GLRA3: variants seen among roughly 807,000 people sequenced by gnomAD.
The protein encoded by GLRA3 is glycine receptor alpha 3.
Under a neutral mutation model 60.4 loss-of-function variants are expected in GLRA3, and 44 were observed. The ratio of observed to expected loss-of-function variants is 0.73; its 90% CI spans 0.57 to 0.94. The LOEUF is 0.94. Among genes scored for constraint, GLRA3 ranks in the 40% least tolerant of loss-of-function variants. The pLI, the probability that GLRA3 is intolerant of heterozygous loss-of-function variation, is 0.00. For missense variants in GLRA3, 508 were observed against 564.6 expected (o/e 0.90, Z 1.02); for synonymous variants, 223 against 192.9 (o/e 1.16, Z -1.29).
chr4:174,718,125 T>C (rs1019197980), intron 4 of GLRA3, among the ~76,000 whole-genome samples: 2 of 152,166 alleles, frequency 1.3e-5, no homozygotes, highest in Non-Finnish European at 2.9e-5. Flanking sequence ...CCTGAAAAAA[T>C]CTATTCATCG....
intron 7 of GLRA3, among the ~76,000 whole-genome samples, chr4:174,662,806 T>C (rs891664654): frequency 6.6e-6 from 1 of 151,622 alleles, no homozygotes; most frequent in Non-Finnish European, 1.5e-5. Context: ...CACATTGCAT[T>C]GGAATTGTTA....
intron 4 of GLRA3, among the ~76,000 whole-genome samples, chr4:174,720,736 G>A (rs920242180): frequency 2.6e-5 from 4 of 152,154 alleles, no homozygotes; most frequent in African/African-American, 9.7e-5. Flanking sequence ...TATAAAAGTA[G>A]TGGATTCCCA....
chr4:174,786,394 T>C (rs768559706), intron 2 of GLRA3, among the ~76,000 whole-genome samples: 1 of 152,136 alleles, frequency 6.6e-6, no homozygotes, highest in Non-Finnish European at 1.5e-5. Context: ...TATTTTTGCC[T>C]GAGGTGAGGT....
In GLRA3 at chr4:174,715,475, G is replaced by A; in HGVS notation, c.574+13C>T. On this transcript the variant is annotated intron_variant, in intron 5 of 9. Transcript: ENST00000274093. ...TGTAAAAGTATTTTAAAAAGTAAGT[G>A]GTTCATACTTACAGCTTTCCAGTTG... 1 of 1,254,566 alleles carries A rather than the reference G, an allele frequency of 8.0e-7. No individual in the cohort carries two copies. The highest frequency in any genetic ancestry group is 1.2e-6 in the Non-Finnish European group (1 of 861,446). 77.7% of individuals were successfully genotyped at this position (1,254,566 alleles called of 1,614,324 possible).
chr4:174,745,312 A>C (rs1240183296), intron 3 of GLRA3, among the ~76,000 whole-genome samples: 1 of 152,196 alleles, frequency 6.6e-6, no homozygotes, highest in Admixed American at 6.5e-5. Flanking sequence ...CCAAAGAGAT[A>C]CAATGCAAAA....
intron 5 of GLRA3, among the ~76,000 whole-genome samples, chr4:174,711,282 TTCTC>T (rs998729884): frequency 6.6e-6 from 1 of 151,596 alleles, no homozygotes; most frequent in South Asian, 2.1e-4. Context: ...AGAATAAAAA[TTCTC>T]TCTCTCTATG....
intron 3 of GLRA3, among the ~76,000 whole-genome samples, chr4:174,736,313 A>C (rs1736786796): frequency 6.6e-6 from 1 of 152,178 alleles, no homozygotes. Flanking sequence ...AAAATTTAAA[A>C]AATCGTGATC....
chr4:174,678,619 G>C (rs1734219426), intron 6 of GLRA3, among the ~76,000 whole-genome samples: 1 of 152,134 alleles, frequency 6.6e-6, no homozygotes, highest in Non-Finnish European at 1.5e-5. Context: ...CAGAGCTTAA[G>C]TCTCAACAAA....
intron 5 of GLRA3, among the ~76,000 whole-genome samples, chr4:174,708,513 G>T (rs1735594124): frequency 6.7e-6 from 1 of 149,488 alleles, no homozygotes; most frequent in African/African-American, 2.5e-5. Context: ...TCGAGATTTA[G>T]GCTGTTCTTT....
In GLRA3 at chr4:174,643,467, A is replaced by C. The variant is rs1235062397; in HGVS notation, c.*319T>G. On this transcript the variant is annotated 3_prime_UTR_variant, in exon 10 of 10. Transcript: ENST00000274093. ...ATCAAGGAATTTCAAAGTAGTTTTC[A>C]TGTCTACTATTATGAGATATTATAT... The C allele has an allele frequency of 1.0e-6, 1 of 980,078 alleles. No homozygotes were observed. Among genetic ancestry groups the C allele is most frequent in the Non-Finnish European group, 1.2e-6 (1 of 819,296 alleles). 60.7% of individuals were successfully genotyped at this position (980,078 alleles called of 1,614,324 possible).
intron 7 of GLRA3, among the ~76,000 whole-genome samples, chr4:174,662,445 TG>T (rs960758173): frequency 2.0e-5 from 3 of 152,186 alleles, no homozygotes; most frequent in Non-Finnish European, 4.4e-5. Flanking sequence ...CCTACTTCTT[TG>T]GACCCAATGC....
At chr4:174,774,924 A>T (rs1376445512) in intron 2 of GLRA3, among the ~76,000 whole-genome samples, 1 of 152,246 alleles carries the variant, frequency 6.6e-6, no homozygotes, top group Admixed American at 6.5e-5. Context: ...GCATCAGGTC[A>T]ACAACTTACA....
chr4:174,759,752 C>T (rs1159313800), intron 3 of GLRA3, among the ~76,000 whole-genome samples: 2 of 151,986 alleles, frequency 1.3e-5, no homozygotes, highest in East Asian at 1.9e-4. Context: ...AACTTGAAAC[C>T]GACCCATTAA....
intron 2 of GLRA3, among the ~76,000 whole-genome samples, chr4:174,775,775 G>C (rs914100049): frequency 6.6e-5 from 10 of 152,098 alleles, no homozygotes; most frequent in Admixed American, 1.3e-4. Context: ...ACACCTTGAA[G>C]CTTCTATTTC....
intron 9 of GLRA3, among the ~76,000 whole-genome samples, chr4:174,648,039 G>A (rs768000892): frequency 4.6e-5 from 7 of 152,206 alleles, no homozygotes; most frequent in Non-Finnish European, 8.8e-5. Context: ...TTTGGATGCA[G>A]TAGTGTGAAA....
intron 2 of GLRA3, among the ~76,000 whole-genome samples, chr4:174,785,410 T>C (rs28535051): frequency 0.25 from 38,288 of 151,992 alleles, 5,025 homozygotes; most frequent in Non-Finnish European, 0.3. Flanking sequence ...ACTCCAGAAA[T>C]AAATTCATAA....
At chr4:174,666,764 T>C (rs963019754) in intron 7 of GLRA3, among the ~76,000 whole-genome samples, 1 of 105,182 alleles carries the variant, frequency 9.5e-6, no homozygotes, top group African/African-American at 5.2e-5. Context: ...ATATATTATA[T>C]ATATATATAT....
chr4:174,659,589 TTTTC>T (rs1733356323), intron 7 of GLRA3, among the ~76,000 whole-genome samples: 2 of 152,150 alleles, frequency 1.3e-5, no homozygotes, highest in African/African-American at 4.8e-5. Context: ...GTTAAGATAT[TTTTC>T]TTTCATTGCA....
intron 5 of GLRA3, among the ~76,000 whole-genome samples, chr4:174,709,355 T>C (rs1431018267): frequency 6.6e-6 from 1 of 152,010 alleles, no homozygotes. Flanking sequence ...ATTCTCTGTG[T>C]GGTATGTATG....
Sources: allele counts gnomAD v4.1 joint callset (sites outside exome capture counted in the v4.1 genomes callset), GRCh38; gene constraint gnomAD v4.1.1; transcripts MANE v1.5; gene names NCBI Gene and HGNC (gene_info 2026-07-23, HGNC 2026-07-21).